HIVEP3: variants seen among roughly 807,000 people sequenced by gnomAD.
The protein encoded by HIVEP3 is transcription factor HIVEP3.
In HIVEP3, 49 loss-of-function variants were observed where a neutral mutation model predicts 152.8. The observed-to-expected ratio is 0.32, with a 90% CI of 0.26 to 0.41. The LOEUF (loss-of-function observed/expected upper bound fraction) is 0.41, where lower values mean the gene tolerates loss of function less well. Ranked by LOEUF, HIVEP3 falls within the 10% of genes least tolerant of loss-of-function variation. The pLI, the probability that HIVEP3 is intolerant of heterozygous loss-of-function variation, is 1.00. For synonymous variants in HIVEP3, 1,269 were observed against 1,289.0 expected (o/e 0.98, Z 0.33); for missense variants, 2,790 against 3,103.3 (o/e 0.90, Z 2.40).
rs200131251 is a variant in HIVEP3 at position 41,513,251 on chromosome 1, G to T, written c.5970C>A (p.Asn1990Lys). Residue 1990 changes from asparagine to lysine, a missense_variant, in exon 8 of 9, where the codon AAC (asparagine) becomes AAA (lysine). Physicochemically the swap from Asn to Lys is moderately conservative, Grantham distance 94. Transcript: ENST00000372583. ...GGGAGCATCGCTGGGGAGATGAGTC[G>T]TTTTTGGTTAGCGAGTGTTTGCGGG... Reference protein sequence around the residue: ...PLARKHSLTKNDSSPQRCSPA... With the variant: ...PLARKHSLTKKDSSPQRCSPA... The T allele has an allele frequency of 1.2e-6, 2 of 1,613,492 alleles. No individual in the cohort carries two copies. The highest frequency in any genetic ancestry group is 2.7e-5 in the African/African-American group (2 of 74,926).
intron 1 of HIVEP3, chr1:42,035,790 G>A (rs1368797238): frequency 2.0e-5 from 3 of 151,460 alleles, no homozygotes; most frequent in African/African-American, 7.3e-5. Context: ...TGGCTCGGCA[G>A]CCGCGGCCAG....
At chr1:41,595,883 T>C (rs1456909048) in intron 3 of HIVEP3, among the ~76,000 whole-genome samples, 2 of 152,226 alleles carry the variant, frequency 1.3e-5, no homozygotes, top group Admixed American at 1.3e-4. Flanking sequence ...GCTTCCTTGC[T>C]TGCAGACGGC....
At position 41,583,710 on chromosome 1, in the gene HIVEP3, T is replaced by A. The variant is rs1305990304; in HGVS notation, c.1088A>T (p.Lys363Met). Residue 363 changes from lysine to methionine, a missense_variant, in exon 4 of 9, where the codon AAG becomes ATG. Around this residue, in one of 9 missense-constraint regions of HIVEP3, gnomAD observed 134 missense variants for 242.5 expected, o/e 0.55. Coordinates refer to ENST00000372583, the MANE Select transcript of HIVEP3 (RefSeq NM_024503.5). This position sits in a 1 kb window ranked among gnomAD's most constrained non-coding sequence, Gnocchi z 6.9. ...CCTCTCGCTTAAGCGGAGGGCCAGC[T>A]TCTGCTTAATCGTGTGGGTGTCTTC... ...KPEDTHTIKQ[K>M]LALRLSERKK... The A allele has an allele frequency of 6.2e-7, 1 of 1,611,532 alleles. No homozygotes were observed. Among genetic ancestry groups the A allele is most frequent in the South Asian group, 1.1e-5 (1 of 90,532 alleles).
chr1:41,874,268 T>A (rs1267561992), intron 1 of HIVEP3, among the ~76,000 whole-genome samples: 1 of 152,228 alleles, frequency 6.6e-6, no homozygotes, highest in Non-Finnish European at 1.5e-5. Flanking sequence ...AGGAAATGCA[T>A]TTACTTGCTG....
intron 1 of HIVEP3, chr1:41,847,717 G>A (rs1479267415): frequency 6.6e-6 from 1 of 152,274 alleles, no homozygotes; most frequent in Non-Finnish European, 1.5e-5. Context: ...CCTCCTTCAC[G>A]GCCACCTTCC....
intron 1 of HIVEP3, among the ~76,000 whole-genome samples, chr1:41,928,161 A>C (rs1177292342): frequency 6.6e-6 from 1 of 151,960 alleles, no homozygotes; most frequent in Non-Finnish European, 1.5e-5. Flanking sequence ...GGATGTCTTT[A>C]AATGAGTTGG....
At chr1:41,835,374 T>C (rs977588654) in intron 1 of HIVEP3, among the ~76,000 whole-genome samples, 1 of 152,190 alleles carries the variant, frequency 6.6e-6, no homozygotes, top group African/African-American at 2.4e-5. Flanking sequence ...GCATGGCCTT[T>C]CCTCCGTAAG....
chr1:41,530,343 G>A (rs536773002), intron 5 of HIVEP3, among the ~76,000 whole-genome samples: 4 of 152,334 alleles, frequency 2.6e-5, no homozygotes, highest in East Asian at 1.9e-4. Context: ...GGCCAAGCAC[G>A]AGGCATCTGC....
chr1:41,925,919 A>C (rs1256992432), intron 1 of HIVEP3, among the ~76,000 whole-genome samples: 1 of 152,198 alleles, frequency 6.6e-6, no homozygotes, highest in Non-Finnish European at 1.5e-5. Flanking sequence ...AACAGGTTCT[A>C]GCCAATGGGA....
At chr1:41,569,615 A>G (rs1217915617) in intron 5 of HIVEP3, among the ~76,000 whole-genome samples, 3 of 152,208 alleles carry the variant, frequency 2.0e-5, no homozygotes, top group African/African-American at 7.2e-5. Flanking sequence ...TCCAAGAAGA[A>G]ATGGATTTGT....
intron 1 of HIVEP3, among the ~76,000 whole-genome samples, chr1:41,828,409 C>T (rs970160004): frequency 1.3e-5 from 2 of 152,240 alleles, no homozygotes; most frequent in Non-Finnish European, 2.9e-5. Context: ...TGGGAACCGT[C>T]CAAATGGCAT....
At chr1:41,802,790 C>T (rs1455386151) in intron 1 of HIVEP3, among the ~76,000 whole-genome samples, 2 of 152,118 alleles carry the variant, frequency 1.3e-5, no homozygotes, top group South Asian at 2.1e-4. Flanking sequence ...TCCCTTCTGT[C>T]CTTACAATGA....
chr1:41,525,540 G>A lies in HIVEP3; in HGVS notation c.5208-630C>T, dbSNP rs147424964. On this transcript the variant is annotated intron_variant, in intron 5 of 8. Coordinates refer to ENST00000372583, the MANE Select transcript of HIVEP3 (RefSeq NM_024503.5). ...GCCTTGATATTCATGGGAGGAGAAG[G>A]AACAGGGACCACCATTGCTTCCCTG... is the stretch of plus-strand genomic sequence containing the variant. Among the ~76,000 whole-genome samples, 14 of 152,278 alleles carry A rather than the reference G, an allele frequency of 9.2e-5. No homozygotes were observed. In the East Asian group the frequency reaches 2.3e-3, roughly 25 times the overall value.
At chr1:41,736,142 T>C (rs183589145) in intron 1 of HIVEP3, among the ~76,000 whole-genome samples, 34 of 152,212 alleles carry the variant, frequency 2.2e-4, no homozygotes, top group African/African-American at 6.3e-4. Context: ...ACGCTCCCAC[T>C]TAGGAAGGAA....
chr1:41,798,047 C>A (rs1650083637), intron 1 of HIVEP3, among the ~76,000 whole-genome samples: 3 of 151,966 alleles, frequency 2.0e-5, no homozygotes, highest in Admixed American at 2.0e-4. Flanking sequence ...GGACAAAAAA[C>A]CAAACACTGC....
chr1:41,643,078 CT>C (rs1444464068), intron 2 of HIVEP3, among the ~76,000 whole-genome samples: 3 of 152,172 alleles, frequency 2.0e-5, no homozygotes, highest in African/African-American at 7.2e-5. Flanking sequence ...TTGGCCTAGG[CT>C]TCAGCATCCT....
intron 1 of HIVEP3, among the ~76,000 whole-genome samples, chr1:41,997,386 C>G (rs1448899765): frequency 6.6e-6 from 1 of 152,176 alleles, no homozygotes; most frequent in Non-Finnish European, 1.5e-5. Context: ...GACTCAGCAA[C>G]ACGAACATGA....
chr1:41,885,769 C>T (rs928276497), intron 1 of HIVEP3, among the ~76,000 whole-genome samples: 4 of 147,438 alleles, frequency 2.7e-5, no homozygotes, highest in African/African-American at 1.0e-4. Context: ...CTTCCATTCC[C>T]TTCCTTTCCT....
At position 41,880,163 on chromosome 1, in the gene HIVEP3, G is replaced by A. The variant is rs1372346328; in HGVS notation, c.-801+38250C>T. ...TAGCCTTCACCTCTCAGTCTCAAGC[G>A]ATCCTCCTACCTCAGCCTCTTGAGT... is the stretch of plus-strand genomic sequence containing the variant. On this transcript the variant is annotated intron_variant, in intron 1 of 8. Coordinates refer to ENST00000372583, the MANE Select transcript of HIVEP3 (RefSeq NM_024503.5). 3.3e-5 allele frequency among the ~76,000 whole-genome samples: 5 copies of A among 152,198 alleles called. No individual in the cohort carries two copies. The South Asian group carries it at 6.2e-4, about 19-fold the overall frequency.
Sources: gnomAD v4.1 joint callset for allele counts (sites outside exome capture counted in the v4.1 genomes callset) on GRCh38, gnomAD v4.1.1 for gene constraint, gnomAD v4.1.1 regional missense constraint, Gnocchi (gnomAD v3.1) non-coding constraint, MANE v1.5 for transcripts, NCBI Gene and HGNC (gene_info 2026-07-23, HGNC 2026-07-21) for gene names.